Variants in ZNF678 observed in about 807,000 individuals in gnomAD.
ZNF678 encodes zinc finger protein 678.
A neutral mutation model predicts 3.0 loss-of-function variants in ZNF678; 5 were observed. The ratio of observed to expected loss-of-function variants is 1.69; its 90% CI spans 0.88 to 3.56. ZNF678 has a LOEUF of 3.56. ZNF678 is among the 30% of genes most tolerant of loss of function. ZNF678 has a pLI of 0.00. For synonymous variants in ZNF678, 218 were observed against 199.6 expected, an observed-to-expected ratio of 1.09 and a Z score of -0.78; for missense variants, 593 against 605.0, an observed-to-expected ratio of 0.98 and a Z score of 0.21.
At chr1:227,644,726 GA>G (rs1658913030) in intron 1 of ZNF678, among the ~76,000 whole-genome samples, 1 of 152,198 alleles carries the variant, frequency 6.6e-6, no homozygotes, top group African/African-American at 2.4e-5. Flanking sequence ...TGAAGTTCCA[GA>G]AGCAATGCTT....
chr1:227,678,023 TG>T (rs1276485390), downstream of ZNF678, among the ~76,000 whole-genome samples: 1 of 152,214 alleles, frequency 6.6e-6, no homozygotes, highest in Non-Finnish European at 1.5e-5. Context: ...TAGGGTGATT[TG>T]TTCTCAAACT....
chr1:227,597,981 G>T (rs1657637855), intron 1 of ZNF678, among the ~76,000 whole-genome samples: 1 of 151,972 alleles, frequency 6.6e-6, no homozygotes, highest in African/African-American at 2.4e-5. Context: ...GTATACGAGG[G>T]GAAAAAATTA....
intron 1 of ZNF678, among the ~76,000 whole-genome samples, chr1:227,629,969 C>G (rs1403375618): frequency 6.6e-6 from 1 of 151,684 alleles, no homozygotes; most frequent in East Asian, 1.9e-4. Context: ...TCCCATTCGT[C>G]CCATTCCACC....
chr1:227,671,767 G>A (rs1558164872), intron 5 of ZNF678, among the ~76,000 whole-genome samples: 2 of 152,048 alleles, frequency 1.3e-5, no homozygotes, highest in Non-Finnish European at 2.9e-5. Flanking sequence ...TTACAAACTG[G>A]CCAAATTCAA....
At chr1:227,650,851 T>C in intron 2 of ZNF678, 105 bp from the exon 3 acceptor site, 1 of 795,204 alleles carries the variant, frequency 1.3e-6, no homozygotes, top group Non-Finnish European at 1.9e-6. Context: ...TGTTATGGCT[T>C]TCTACATATA....
At chr1:227,604,931 C>G (rs1657826579) in intron 1 of ZNF678, among the ~76,000 whole-genome samples, 1 of 152,156 alleles carries the variant, frequency 6.6e-6, no homozygotes, top group Non-Finnish European at 1.5e-5. Context: ...TCTCCGCTCA[C>G]TGCAAGCTCC....
At chr1:227,578,691 A>G (rs755193861) in intron 1 of ZNF678, among the ~76,000 whole-genome samples, 13 of 152,204 alleles carry the variant, frequency 8.5e-5, no homozygotes, top group Non-Finnish European at 1.6e-4. Context: ...ATGTATGCCC[A>G]TAGCTCAGAT....
At chr1:227,621,226 A>G (rs946899861) in intron 1 of ZNF678, among the ~76,000 whole-genome samples, 3 of 152,234 alleles carry the variant, frequency 2.0e-5, no homozygotes, top group Admixed American at 1.3e-4. Context: ...AACCTGGACA[A>G]CAGAGCAAGA....
chr1:227,598,665 G>T, intron 1 of ZNF678: 1 of 534,860 alleles, frequency 1.9e-6, no homozygotes, highest in Non-Finnish European at 3.4e-6. Context: ...TTCTTTCTCC[G>T]TTGCATCTTT....
At chr1:227,611,259 G>T (rs1658012032) in intron 1 of ZNF678, among the ~76,000 whole-genome samples, 1 of 152,158 alleles carries the variant, frequency 6.6e-6, no homozygotes, top group Non-Finnish European at 1.5e-5. Context: ...CAAAGGAAGA[G>T]GTAAAATTGA....
chr1:227,625,741 G>A (rs924922522), intron 1 of ZNF678, among the ~76,000 whole-genome samples: 8 of 152,010 alleles, frequency 5.3e-5, no homozygotes, highest in Non-Finnish European at 1.0e-4. Flanking sequence ...AGGGGCTAGG[G>A]GTGCTTTGTA....
At chr1:227,633,737 T>C (rs1318397655) in intron 1 of ZNF678, among the ~76,000 whole-genome samples, 3 of 152,202 alleles carry the variant, frequency 2.0e-5, no homozygotes, top group African/African-American at 7.2e-5. Context: ...CCAGAAGCCT[T>C]GCAGCTGTGG....
At chr1:227,587,816 C>CTTT (rs199804279) in intron 1 of ZNF678, among the ~76,000 whole-genome samples, 2 of 127,686 alleles carry the variant, frequency 1.6e-5, no homozygotes, top group African/African-American at 5.8e-5. Context: ...TCACCCTTTC[C>CTTT]TTTTTTTTTT....
intron 1 of ZNF678, chr1:227,598,426 A>T: frequency 6.8e-7 from 1 of 1,467,612 alleles, no homozygotes; most frequent in Non-Finnish European, 9.0e-7. Context: ...TCTTAATGTT[A>T]TGGTGAGTCA....
intron 1 of ZNF678, chr1:227,598,455 T>C: frequency 6.8e-7 from 1 of 1,477,482 alleles, no homozygotes; most frequent in Non-Finnish European, 9.0e-7. Flanking sequence ...ACTAGCAGCC[T>C]TCTTTTTCTT....
intron 1 of ZNF678, among the ~76,000 whole-genome samples, chr1:227,603,421 T>G (rs1042829264): frequency 1.9e-4 from 29 of 152,182 alleles, no homozygotes; most frequent in African/African-American, 7.0e-4. Flanking sequence ...GGGTTCACTT[T>G]CAAACTTGGC....
intron 1 of ZNF678, among the ~76,000 whole-genome samples, chr1:227,631,244 G>T (rs765488757): frequency 2.0e-5 from 3 of 152,076 alleles, no homozygotes; most frequent in Non-Finnish European, 4.4e-5. Flanking sequence ...CATTTCCAGG[G>T]TGCGTAACCA....
At chr1:227,650,019 T>G (rs888760101) in intron 2 of ZNF678, among the ~76,000 whole-genome samples, 7 of 152,216 alleles carry the variant, frequency 4.6e-5, no homozygotes, top group Non-Finnish European at 1.0e-4. Flanking sequence ...TTTAGTTTCA[T>G]GCAGTCCAAC....
chr1:227,598,067 T>C (rs1271082962), intron 1 of ZNF678, among the ~76,000 whole-genome samples: 1 of 152,238 alleles, frequency 6.6e-6, no homozygotes, highest in African/African-American at 2.4e-5. Context: ...ACTAGAGTCA[T>C]CTGGTCATTT....
Sources: allele counts gnomAD v4.1 joint callset (sites outside exome capture counted in the v4.1 genomes callset), GRCh38; gene constraint gnomAD v4.1.1; transcripts MANE v1.5; gene names NCBI Gene and HGNC (gene_info 2026-07-23, HGNC 2026-07-21).